Variants in TNIP1 observed in about 807,000 individuals in gnomAD.
TNIP1 encodes the protein TNFAIP3 interacting protein 1, also known as TNFAIP3-interacting protein 1.
A neutral mutation model predicts 86.6 loss-of-function variants in TNIP1; 22 were observed. The observed-to-expected ratio is 0.25, with a 90% CI of 0.18 to 0.36. TNIP1 has a LOEUF of 0.36. Among genes scored for constraint, TNIP1 ranks in the 10% least tolerant of loss-of-function variants. TNIP1 has a pLI of 1.00. For synonymous variants in TNIP1, 294 were observed against 313.0 expected (o/e 0.94, Z 0.64); for missense variants, 709 against 820.6 (o/e 0.86, Z 1.66).
intron 8 of TNIP1, among the ~76,000 whole-genome samples, chr5:151,048,674 G>A (rs1176621545): frequency 6.6e-6 from 1 of 152,170 alleles, no homozygotes; most frequent in East Asian, 1.9e-4. Flanking sequence ...AAAGAGACCT[G>A]TCCAGGGAAT....
At chr5:151,057,373 T>A (rs1299246988) in intron 5 of TNIP1, among the ~76,000 whole-genome samples, 1 of 152,112 alleles carries the variant, frequency 6.6e-6, no homozygotes, top group Non-Finnish European at 1.5e-5. Flanking sequence ...CAGTCAGCCC[T>A]CCATATCCAT....
chr5:151,083,299 C>T (rs748702132), upstream of TNIP1, among the ~76,000 whole-genome samples: 5 of 152,242 alleles, frequency 3.3e-5, no homozygotes, highest in Non-Finnish European at 7.3e-5. Flanking sequence ...CAAGGCTCAG[C>T]ACACAGTAGG....
At position 151,065,161 on chromosome 5, in the gene TNIP1, G is replaced by C. The variant is rs1393522617; in HGVS notation, c.-36-30C>G. 3 of 1,577,008 alleles carry C rather than the reference G, an allele frequency of 1.9e-6. No homozygotes were observed. The East Asian group carries it at 6.8e-5, about 36-fold the overall frequency. ...AAGGACAACAGCAGCATATCAGCAG[G>C]CTGGCCAGGCCATGGGGGCATCCTT... On this transcript the variant is annotated intron_variant, in intron 1 of 17. Transcript: ENST00000521591.
intron 1 of TNIP1, among the ~76,000 whole-genome samples, chr5:151,071,980 T>C (rs1762869415): frequency 6.6e-6 from 1 of 152,198 alleles, no homozygotes; most frequent in Non-Finnish European, 1.5e-5. Context: ...ATGACGCACA[T>C]GACCTCATTT....
At position 151,035,065 on chromosome 5, in the gene TNIP1, T is replaced by C. The variant is rs751317473; in HGVS notation, c.1524A>G (p.Leu508=). 8 of 1,613,570 alleles carry C rather than the reference T, an allele frequency of 5.0e-6. No individual in the cohort carries two copies. The highest frequency in any genetic ancestry group is 1.1e-5 in the South Asian group (1 of 90,898). Residue 508 remains leucine (L), a splice_region_variant and synonymous_variant, in exon 15 of 18, where the codon CTA becomes CTG. Coordinates refer to ENST00000521591, the MANE Select transcript of TNIP1 (RefSeq NM_006058.5). ...CCTTCTCCTCATCTTTGAATGCTTT[T>C]AGCTGAGAGAAGAAGGGAGGGAGAA... ...QAQVTLSNAQ[L]KAFKDEEKAR... is the part of the protein sequence containing the mutation.
At chr5:151,053,101 C>CTTTTTTTTTTTTTTTTTTTTTTT (rs11390788) in intron 6 of TNIP1, among the ~76,000 whole-genome samples, 1 of 85,208 alleles carries the variant, frequency 1.2e-5, no homozygotes. Flanking sequence ...AACTGTTTCT[C>CTTTTTTTTTTTTTTTTTTTTTTT]TTTTTTTTTT....
At chr5:151,083,052 T>C (rs1764141237), upstream of TNIP1, among the ~76,000 whole-genome samples, 1 of 152,214 alleles carries the variant, frequency 6.6e-6, no homozygotes, top group Admixed American at 6.5e-5. Context: ...TCCTGTGTGC[T>C]TGGTCCACTG....
rs141077162 is a variant in TNIP1, at chr5:151,043,960, T to C, written c.937-999A>G. On this transcript the variant is annotated intron_variant, in intron 9 of 17. Transcript: ENST00000521591. ...TGGCCCTGCCCCTTAAGATATGTCA[T>C]AAGGATCCACACCAATTTCAAAAAC... Among the ~76,000 whole-genome samples, 197 of 152,146 alleles carry C rather than the reference T, an allele frequency of 1.3e-3. 5 individuals are homozygous for C. In the East Asian group the frequency reaches 0.02, roughly 16 times the overall value.
chr5:151,068,726 C>G (rs1215742078), intron 1 of TNIP1, among the ~76,000 whole-genome samples: 1 of 152,200 alleles, frequency 6.6e-6, no homozygotes, highest in East Asian at 1.9e-4. Flanking sequence ...GATCCCTGCT[C>G]TCCCTCCAGG....
intron 11 of TNIP1, 123 bp from the exon 12 acceptor site, chr5:151,039,348 G>GCAA (rs1758121682): frequency 9.1e-7 from 1 of 1,102,854 alleles, no homozygotes; most frequent in Non-Finnish European, 1.3e-6. Context: ...ATGCTCACAT[G>GCAA]CAAAGCACCT....
intron 7 of TNIP1, 133 bp downstream of exon 7, chr5:151,052,032 C>A (rs369736918): frequency 1.1e-5 from 8 of 699,366 alleles, no homozygotes; most frequent in Non-Finnish European, 1.9e-5. Flanking sequence ...GATCAAGAGA[C>A]GTAACCTCCA....
intron 1 of TNIP1, among the ~76,000 whole-genome samples, chr5:151,069,321 G>A (rs570251637): frequency 6.6e-6 from 1 of 152,188 alleles, no homozygotes; most frequent in Non-Finnish European, 1.5e-5. Flanking sequence ...GGCTGGGTAG[G>A]GGGGTGGTCC....
At chr5:151,082,810 A>C (rs1764120651), upstream of TNIP1, among the ~76,000 whole-genome samples, 1 of 152,196 alleles carries the variant, frequency 6.6e-6, no homozygotes, top group Admixed American at 6.5e-5. Context: ...CCAATTTGTG[A>C]GAAAACTCAT....
In TNIP1 at chr5:151,031,846, C is replaced by T. The variant is rs545398803; in HGVS notation, c.1876+441G>A. On this transcript the variant is annotated intron_variant, in intron 17 of 17. Coordinates refer to ENST00000521591, the MANE Select transcript of TNIP1 (RefSeq NM_006058.5). ...CCCTACCTCTCCACCTAGCTAGTGTCACTCATTCTGAGAGTCTCAACTCAA... is the reference window on the plus strand; with the variant it reads ...CCCTACCTCTCCACCTAGCTAGTGTTACTCATTCTGAGAGTCTCAACTCAA... Among the ~76,000 whole-genome samples, 6 of 152,344 alleles carry T rather than the reference C, an allele frequency of 3.9e-5. No homozygotes were observed. The South Asian group carries it at 1.0e-3, about 26-fold the overall frequency.
rs1758617352 is a variant in TNIP1 at position 151,042,834 on chromosome 5, A to G, written c.1002+62T>C. 5 of 1,607,972 alleles carry G rather than the reference A, an allele frequency of 3.1e-6. No individual in the cohort carries two copies. The Admixed American group carries it at 6.7e-5, about 21-fold the overall frequency. On this transcript the variant is annotated intron_variant, in intron 10 of 17. Coordinates refer to ENST00000521591, the MANE Select transcript of TNIP1 (RefSeq NM_006058.5). ...CCACTCCCCAAGGTTCAAAGCTGCT[A>G]AAGAGGCAGCGAGATGAAGACCAGG...
At chr5:151,081,775 G>C (rs1466157002), upstream of TNIP1, among the ~76,000 whole-genome samples, 1 of 152,158 alleles carries the variant, frequency 6.6e-6, no homozygotes, top group Non-Finnish European at 1.5e-5. Flanking sequence ...CAAATCCAGA[G>C]GCCGCCTTCC....
intron 1 of TNIP1, among the ~76,000 whole-genome samples, chr5:151,073,317 A>T (rs1345314041): frequency 6.6e-6 from 1 of 152,072 alleles, no homozygotes; most frequent in Admixed American, 6.5e-5. Flanking sequence ...CCTATCTAGG[A>T]ATCTAGAGAT....
intron 5 of TNIP1, among the ~76,000 whole-genome samples, chr5:151,059,814 AGAGAGAGAGAGAGAGTGTGT>A (rs1358136866): frequency 1.2e-3 from 143 of 115,224 alleles, no homozygotes; most frequent in African/African-American, 6.1e-3. Context: ...AGAGAGAGAG[AGAGAGAGAGAGAGAGTGTGT>A]GTGTGTGTGT....
At chr5:151,059,726 T>G (rs1761138369) in intron 5 of TNIP1, among the ~76,000 whole-genome samples, 1 of 146,980 alleles carries the variant, frequency 6.8e-6, no homozygotes, top group African/African-American at 2.5e-5. Context: ...CAGCCAGTGT[T>G]GTAAGGTGTG....
Sources: allele counts gnomAD v4.1 joint callset (sites outside exome capture counted in the v4.1 genomes callset), GRCh38; gene constraint gnomAD v4.1.1; transcripts MANE v1.5; gene names NCBI Gene and HGNC (gene_info 2026-07-23, HGNC 2026-07-21).